The following DRD3 variants were observed in gnomAD, a reference collection of about 807,000 sequenced individuals.
DRD3 encodes the protein D(3) dopamine receptor.
Under a neutral mutation model 36.3 loss-of-function variants are expected in DRD3, and 19 were observed. The ratio of observed to expected loss-of-function variants is 0.52; its 90% confidence interval spans 0.36 to 0.77. DRD3 has a LOEUF of 0.77. Ranked by LOEUF, DRD3 falls within the 30% of genes least tolerant of loss-of-function variation. The pLI is 0.00. For missense variants in DRD3, 465 were observed against 505.3 expected (o/e 0.92, Z 0.77); for synonymous variants, 195 against 203.7 (o/e 0.96, Z 0.36).
rs894236778 is a variant in DRD3, at chr3:114,145,085, C to T, written c.526+2330G>A. On this transcript the variant is annotated intron_variant, in intron 4 of 6. Coordinates refer to ENST00000383673, the MANE Select transcript of DRD3 (RefSeq NM_000796.6). ...GTGTGTCTGTGAGAGTGAATAAGAC[C>T]GCCTCCACCAAGAATGAGTCAGGGG... 5.9e-5 allele frequency among the ~76,000 whole-genome samples: 9 copies of T among 151,686 alleles called. No individual in the cohort carries two copies. In the South Asian group the frequency reaches 1.9e-3, roughly 32 times the overall value.
At chr3:114,165,181 TG>T (rs1348958575) in intron 2 of DRD3, among the ~76,000 whole-genome samples, 1 of 152,240 alleles carries the variant, frequency 6.6e-6, no homozygotes, top group Non-Finnish European at 1.5e-5. Context: ...CAAGATCTAG[TG>T]GCAGGTCCAA....
At chr3:114,160,568 G>A (rs1474098651) in intron 2 of DRD3, among the ~76,000 whole-genome samples, 3 of 152,172 alleles carry the variant, frequency 2.0e-5, no homozygotes, top group Non-Finnish European at 2.9e-5. Flanking sequence ...GTGACTACCC[G>A]ATGTGTACAT....
Position 114,159,708 on chromosome 3 carries a change from C to A in DRD3, c.383+47G>T. On this transcript the variant is annotated intron_variant, in intron 3 of 6. Transcript: ENST00000383673. Reference sequence around the variant, plus strand: ...CTCAAGTGCACAATCTGTCTCTCCCCACTTCCCCAGCTTTTGGGCCACCTG... The same window carrying A: ...CTCAAGTGCACAATCTGTCTCTCCCAACTTCCCCAGCTTTTGGGCCACCTG... 3 of 1,545,126 alleles carry A rather than the reference C, an allele frequency of 1.9e-6. No homozygotes were observed. In the South Asian group the frequency reaches 3.4e-5, roughly 17 times the overall value.
intron 4 of DRD3, among the ~76,000 whole-genome samples, chr3:114,141,638 A>C (rs773412545): frequency 1.3e-5 from 2 of 152,088 alleles, no homozygotes; most frequent in Non-Finnish European, 2.9e-5. Flanking sequence ...TTTTACTGAC[A>C]TCTTTGCCAC....
chr3:114,176,123 C>T (rs926860009), intron 1 of DRD3: 1 of 152,166 alleles, frequency 6.6e-6, no homozygotes, highest in African/African-American at 2.4e-5. Flanking sequence ...AACAGTCTTC[C>T]TGAAACATTC....
At chr3:114,172,411 G>C (rs2107886061) in intron 1 of DRD3, among the ~76,000 whole-genome samples, 1 of 152,328 alleles carries the variant, frequency 6.6e-6, no homozygotes, top group East Asian at 1.9e-4. Flanking sequence ...TTGACCTGGA[G>C]GAGATCAGGA....
chr3:114,132,610 T>C (rs1440697295), intron 5 of DRD3, among the ~76,000 whole-genome samples: 1 of 151,422 alleles, frequency 6.6e-6, no homozygotes, highest in Non-Finnish European at 1.5e-5. Flanking sequence ...ATAGAACATT[T>C]GATAATCACA....
intron 2 of DRD3, among the ~76,000 whole-genome samples, chr3:114,166,729 A>G (rs1032290847): frequency 6.6e-6 from 1 of 152,208 alleles, no homozygotes; most frequent in African/African-American, 2.4e-5. Flanking sequence ...TTAGGTGCAT[A>G]AGAAGTATGG....
At chr3:114,156,743 T>TTCTTTTTCTTTC (rs1286313199) in intron 3 of DRD3, among the ~76,000 whole-genome samples, 1 of 20,768 alleles carries the variant, frequency 4.8e-5, no homozygotes, top group African/African-American at 9.5e-5. Flanking sequence ...CTTTCTTTCT[T>TTCTTTTTCTTTC]TTTCTTTCTT....
chr3:114,131,853 A>T (rs2077434371), intron 5 of DRD3, among the ~76,000 whole-genome samples: 1 of 152,276 alleles, frequency 6.6e-6, no homozygotes, highest in African/African-American at 2.4e-5. Context: ...AATCAAAATG[A>T]CAATGAGATA....
At position 114,178,747 on chromosome 3, in the gene DRD3, G is replaced by A. The variant is rs936160182; in HGVS notation, c.-126C>T. 2 of 152,134 alleles carry A rather than the reference G, an allele frequency of 1.3e-5. No homozygotes were observed. Among genetic ancestry groups the A allele is most frequent in the African/African-American group, 4.8e-5 (2 of 41,422 alleles). The allele number at this position is 152,134 out of a possible 1,614,324, so 9.4% of individuals were successfully genotyped here. On this transcript the variant is annotated 5_prime_UTR_variant, in exon 1 of 7. Transcript: ENST00000383673. ...CTGACAGCAGACATACCCAAGCAAA[G>A]CAAACTTTGCCTTTCTCAGGACTCA...
chr3:114,152,693 G>C (rs2077628970), intron 3 of DRD3, among the ~76,000 whole-genome samples: 1 of 152,318 alleles, frequency 6.6e-6, no homozygotes, highest in South Asian at 2.1e-4. Context: ...GGCTCTGTGG[G>C]GAGGCAGAGA....
intron 5 of DRD3, 29 bp downstream of exon 5, chr3:114,139,468 TGTC>T (rs1201749571): frequency 6.3e-7 from 1 of 1,592,816 alleles, no homozygotes; most frequent in African/African-American, 1.3e-5. Flanking sequence ...GATTGGGTGT[TGTC>T]TTCCCTCTAC....
rs1228725780 is a variant in DRD3, at chr3:114,171,947, C to A, written c.46G>T (p.Gly16Trp). 3 of 1,568,432 alleles carry A rather than the reference C, an allele frequency of 1.9e-6. No homozygotes were observed. The highest frequency in any genetic ancestry group is 2.6e-6 in the Non-Finnish European group (3 of 1,156,406). ...CTGGCACCTGTGGAGTTCTCTGCCC[C>A]ACAGGTGTAGTTCAGGTGGCCACTC... is the stretch of plus-strand genomic sequence containing the variant. ...QLSGHLNYTC[G>W]AENSTGASQA... Residue 16 changes from glycine to tryptophan, a missense_variant, in exon 2 of 7, where the codon GGG (glycine) becomes TGG (tryptophan). Coordinates refer to ENST00000383673, the MANE Select transcript of DRD3 (RefSeq NM_000796.6).
intron 1 of DRD3, among the ~76,000 whole-genome samples, chr3:114,190,419 T>TAC (rs2077998679): frequency 2.4e-4 from 1 of 4,116 alleles, no homozygotes; most frequent in Non-Finnish European, 4.8e-4. Context: ...ATAATATATA[T>TAC]ATATATATAT....
At position 114,131,260 on chromosome 3, in the gene DRD3, G is replaced by A. The variant is rs2107828578; in HGVS notation, c.864C>T (p.Pro288=). 6.2e-7 allele frequency: 1 copy of A among 1,614,176 alleles called. No homozygotes were observed. Among genetic ancestry groups the A allele is most frequent in the South Asian group, 1.1e-5 (1 of 91,084 alleles). ...REEKTRNSLS[P]TIAPKLSLEV... ...CTAAGCTGAGCTTGGGCGCTATGGT[G>A]GGACTCAGGGAATTCCGAGTCTTCT... The change falls in exon 6 of 7, where the codon CCC becomes CCT. Residue 288 remains proline, a synonymous_variant. Coordinates refer to ENST00000383673, the MANE Select transcript of DRD3 (RefSeq NM_000796.6).
At chr3:114,159,999 C>T in intron 2 of DRD3, 132 bp from the exon 3 acceptor site, 1 of 742,996 alleles carries the variant, frequency 1.3e-6, no homozygotes, top group Non-Finnish European at 2.3e-6. Flanking sequence ...GTTGTTCCCA[C>T]AGGGCAGATG....
chr3:114,188,627 G>A (rs748416017), intron 1 of DRD3, among the ~76,000 whole-genome samples: 6 of 152,212 alleles, frequency 3.9e-5, no homozygotes, highest in Non-Finnish European at 7.3e-5. Context: ...TCCAGAGGTG[G>A]AGAATGAGAC....
intron 1 of DRD3, among the ~76,000 whole-genome samples, chr3:114,198,097 T>A (rs1471116192): frequency 6.6e-6 from 1 of 152,200 alleles, no homozygotes; most frequent in Non-Finnish European, 1.5e-5. Flanking sequence ...TTTATTTAGG[T>A]CTCAGTTTTT....
Sources: gnomAD v4.1 joint callset for allele counts (sites outside exome capture counted in the v4.1 genomes callset) on GRCh38, gnomAD v4.1.1 for gene constraint, MANE v1.5 for transcripts, NCBI Gene and HGNC (gene_info 2026-07-23, HGNC 2026-07-21) for gene names.